BTG4: variants seen among roughly 807,000 people sequenced by gnomAD.
The protein encoded by BTG4 is BTG anti-proliferation factor 4.
In BTG4, 10 loss-of-function variants were observed where a neutral mutation model predicts 19.3. That is an observed-to-expected ratio of 0.52 (90% CI 0.32 to 0.88). BTG4 has a LOEUF of 0.88. Among genes scored for constraint, BTG4 ranks in the 40% least tolerant of loss-of-function variants. The pLI, the probability that BTG4 is intolerant of heterozygous loss-of-function variation, is 0.04. For missense variants in BTG4, 238 were observed against 281.9 expected (o/e 0.84, Z 1.11); for synonymous variants, 91 against 95.7 (o/e 0.95, Z 0.29).
intron 5 of BTG4, among the ~76,000 whole-genome samples, chr11:111,477,761 C>T (rs1265796209): frequency 6.6e-6 from 1 of 152,044 alleles, no homozygotes; most frequent in Non-Finnish European, 1.5e-5. Context: ...CCAAAAGAGA[C>T]CACAAAAGCC....
chr11:111,447,737 T>G, the BTG4 span, among the ~76,000 whole-genome samples: 3 of 152,186 alleles, frequency 2.0e-5, no homozygotes, highest in African/African-American at 7.2e-5. Context: ...TTAAGTTGTC[T>G]GGGCCAAAGC....
chr11:111,456,311 AATG>A, the BTG4 span, among the ~76,000 whole-genome samples: 1 of 152,100 alleles, frequency 6.6e-6, no homozygotes, highest in Non-Finnish European at 1.5e-5. The surrounding 1 kb of genome is among the most constrained non-coding windows in gnomAD (Gnocchi z 4.2). Context: ...CGGCCTGCGC[AATG>A]ATATCACAAT....
downstream of BTG4, among the ~76,000 whole-genome samples, chr11:111,494,621 G>A (rs748760813): frequency 1.1e-4 from 16 of 152,152 alleles, no homozygotes; most frequent in Admixed American, 4.6e-4. Context: ...GTGGTAGAGG[G>A]TGAGGGGAGA....
At chr11:111,481,607 A>T (rs1864746129) in intron 5 of BTG4, among the ~76,000 whole-genome samples, 1 of 151,938 alleles carries the variant, frequency 6.6e-6, no homozygotes, top group South Asian at 2.1e-4. Context: ...AGCAATATAT[A>T]AAATGAATTA....
At chr11:111,435,836 C>T in the BTG4 span, among the ~76,000 whole-genome samples, 4 of 152,156 alleles carry the variant, frequency 2.6e-5, no homozygotes, top group African/African-American at 4.8e-5. Context: ...TCTCAGCTCC[C>T]ACTTTCCTCA....
chr11:111,434,632 A>C, the BTG4 span, among the ~76,000 whole-genome samples: 1 of 151,748 alleles, frequency 6.6e-6, no homozygotes, highest in Admixed American at 6.6e-5. Context: ...TAAATAAGTG[A>C]GATAATACAT....
the BTG4 span, among the ~76,000 whole-genome samples, chr11:111,407,634 G>A: frequency 3.9e-5 from 6 of 152,184 alleles, no homozygotes; most frequent in African/African-American, 9.7e-5. Flanking sequence ...TCGCACCATC[G>A]CACTCCAGCG....
chr11:111,461,022 G>A, the BTG4 span, among the ~76,000 whole-genome samples: 7 of 152,232 alleles, frequency 4.6e-5, no homozygotes, highest in Middle Eastern at 3.4e-3. Context: ...TACAGTCAGC[G>A]TTCTAGAAAG....
At chr11:111,427,169 T>C in the BTG4 span, among the ~76,000 whole-genome samples, 1 of 152,192 alleles carries the variant, frequency 6.6e-6, no homozygotes, top group Non-Finnish European at 1.5e-5. Context: ...AGCTACTAAA[T>C]TGAAATCATT....
chr11:111,384,816 C>T, the BTG4 span: 149 of 152,174 alleles, frequency 9.8e-4, no homozygotes, highest in African/African-American at 2.6e-3. Flanking sequence ...CAACACAAAA[C>T]AAAATATCTT....
chr11:111,405,133 C>T, the BTG4 span, among the ~76,000 whole-genome samples: 3 of 152,076 alleles, frequency 2.0e-5, no homozygotes, highest in South Asian at 2.1e-4. Flanking sequence ...CGGCCAGGCG[C>T]GGTGGCTCAT....
the BTG4 span, among the ~76,000 whole-genome samples, chr11:111,395,950 C>T: frequency 6.4e-4 from 97 of 152,348 alleles, no homozygotes; most frequent in African/African-American, 2.0e-3. Context: ...GCAGCTATCT[C>T]GCAGAAGCCG....
chr11:111,389,954 T>C, the BTG4 span, among the ~76,000 whole-genome samples: 3 of 152,178 alleles, frequency 2.0e-5, no homozygotes, highest in African/African-American at 2.4e-5. Context: ...ACTGATCATA[T>C]AGCGAGGAAC....
chr11:111,497,136 T>C (rs1474414005), intron 4 of BTG4, 75 bp downstream of exon 4: 1 of 1,369,732 alleles, frequency 7.3e-7, no homozygotes, highest in East Asian at 2.4e-5. Flanking sequence ...TTTGCTTCTT[T>C]GTTTTCATAA....
At chr11:111,506,545 C>G (rs1429946828) in intron 1 of BTG4, among the ~76,000 whole-genome samples, 1 of 151,966 alleles carries the variant, frequency 6.6e-6, no homozygotes, top group Admixed American at 6.6e-5. Context: ...GTGATAAGTA[C>G]AGCAGAAGCC....
At chr11:111,426,064 C>A in the BTG4 span, among the ~76,000 whole-genome samples, 1 of 152,110 alleles carries the variant, frequency 6.6e-6, no homozygotes, top group Admixed American at 6.6e-5. Context: ...CTGACCTGGG[C>A]TCTAGTGCCT....
chr11:111,435,615 C>T, the BTG4 span, among the ~76,000 whole-genome samples: 2 of 152,180 alleles, frequency 1.3e-5, no homozygotes, highest in Admixed American at 6.5e-5. Context: ...AAACAAGCTG[C>T]CTACCCTGTC....
chr11:111,441,206 C>T, the BTG4 span, among the ~76,000 whole-genome samples: 1 of 151,752 alleles, frequency 6.6e-6, no homozygotes, highest in Non-Finnish European at 1.5e-5. Flanking sequence ...AATAAACACC[C>T]ATGTACCCAC....
chr11:111,393,822 G>C, the BTG4 span, among the ~76,000 whole-genome samples: 1 of 152,162 alleles, frequency 6.6e-6, no homozygotes, highest in Non-Finnish European at 1.5e-5. Flanking sequence ...TCTGCTCTTA[G>C]AAATACTCAG....
Sources: allele counts gnomAD v4.1 joint callset (sites outside exome capture counted in the v4.1 genomes callset), GRCh38; gene constraint gnomAD v4.1.1; non-coding constraint Gnocchi (gnomAD v3.1); transcripts MANE v1.5; gene names NCBI Gene and HGNC (gene_info 2026-07-23, HGNC 2026-07-21).